Variants in CFAP53 observed in about 807,000 individuals in gnomAD.
The protein encoded by CFAP53 is cilia and flagella associated protein 53.
Under a neutral mutation model 59.7 loss-of-function variants are expected in CFAP53, and 62 were observed. The observed-to-expected ratio is 1.04, with a 90% CI of 0.85 to 1.28. The LOEUF (loss-of-function observed/expected upper bound fraction) is 1.28. Ranked by LOEUF, CFAP53 falls within the 50% of genes most tolerant of loss-of-function variation. The pLI is 0.00. For synonymous variants in CFAP53, 218 were observed against 205.7 expected, an observed-to-expected ratio of 1.06 and a Z score of -0.51; for missense variants, 629 against 615.6, an observed-to-expected ratio of 1.02 and a Z score of -0.23.
At chr18:50,251,830 C>A (rs1309313067) in intron 3 of CFAP53, 46 bp from the exon 4 acceptor site, 40 of 1,524,500 alleles carry the variant, frequency 2.6e-5, no homozygotes, top group Non-Finnish European at 3.3e-5. Context: ...TTTCGTGAGG[C>A]ACTGCTCTAT....
chr18:50,254,288 C>G lies in CFAP53; in HGVS notation c.474-2504G>C, dbSNP rs151262585. ...CTAAAACAAGCTAAATTCTAAAAAT[C>G]TAATTAGAAATGGGCAAAAGATATA... On this transcript the variant is annotated intron_variant, in intron 3 of 7. Coordinates refer to ENST00000398545, the MANE Select transcript of CFAP53 (RefSeq NM_145020.5). Among the ~76,000 whole-genome samples, 254 of 146,000 alleles carry G rather than the reference C, an allele frequency of 1.7e-3. 1 individual carries two copies. The highest frequency in any genetic ancestry group is 3.0e-3 in the Non-Finnish European group (198 of 66,794).
intron 3 of CFAP53, among the ~76,000 whole-genome samples, chr18:50,255,095 A>C (rs1045504281): frequency 6.6e-6 from 1 of 152,252 alleles, no homozygotes; most frequent in Non-Finnish European, 1.5e-5. Context: ...ATGCAATGGA[A>C]TACTACTCAG....
rs560458574 is a variant in CFAP53 at position 50,242,710 on chromosome 18, G to C, written c.1213+190C>G. 2.0e-5 allele frequency among the ~76,000 whole-genome samples: 3 copies of C among 152,276 alleles called. No individual in the cohort carries two copies. In the East Asian group the frequency reaches 5.8e-4, roughly 29 times the overall value. On this transcript the variant is annotated intron_variant, in intron 6 of 7. Coordinates refer to ENST00000398545, the MANE Select transcript of CFAP53 (RefSeq NM_145020.5). ...ACCTTGAGAACTTCTCCCCGTGACT[G>C]ATTGGAATCTGCTGGTCTCTTCATA...
At position 50,266,481 on chromosome 18, in the gene CFAP53, G is replaced by C; in HGVS notation, c.-77C>G. 6.9e-7 allele frequency: 1 copy of C among 1,441,556 alleles called. No homozygotes were observed. The highest frequency in any genetic ancestry group is 9.8e-7 in the Non-Finnish European group (1 of 1,023,114). The allele number at this position is 1,441,556 out of a possible 1,614,324, so 89.3% of individuals were successfully genotyped here. Reference sequence around the variant, plus strand: ...GTGGCGACCTGCGGGACCCGCTTCCGCGACGCAGAAGTCTGGTTGCCATGG... The same window carrying C: ...GTGGCGACCTGCGGGACCCGCTTCCCCGACGCAGAAGTCTGGTTGCCATGG... On this transcript the variant is annotated 5_prime_UTR_variant, in exon 1 of 8. Coordinates refer to ENST00000398545, the MANE Select transcript of CFAP53 (RefSeq NM_145020.5).
chr18:50,259,513 A>T (rs2033872705), intron 3 of CFAP53, among the ~76,000 whole-genome samples: 1 of 151,846 alleles, frequency 6.6e-6, no homozygotes, highest in Admixed American at 6.6e-5. Flanking sequence ...AAAAAAAAAA[A>T]GAATGAATGA....
At chr18:50,248,783 TAAAA>T (rs748223121) in intron 5 of CFAP53, among the ~76,000 whole-genome samples, 1 of 58,174 alleles carries the variant, frequency 1.7e-5, no homozygotes, top group Admixed American at 1.9e-4. Context: ...AGACTCCGCC[TAAAA>T]AAAAAAAAAA....
In CFAP53 at chr18:50,261,176, C is replaced by CT. The variant is rs1490401800; in HGVS notation, c.360dup (p.Glu121ArgfsTer4). The CT allele has an allele frequency of 3.8e-6, 6 of 1,562,874 alleles. No individual in the cohort carries two copies. Among genetic ancestry groups the CT allele is most frequent in the Non-Finnish European group, 5.2e-6 (6 of 1,163,098 alleles). ...CTATCTTTTTTCTCCTCAATGGTTT[C>CT]TTTCTTCAATTGCATTTCTGTAAAA... is the stretch of plus-strand genomic sequence containing the variant. On this transcript the variant is annotated frameshift_variant, in exon 3 of 8. Transcript: ENST00000398545. LOFTEE classifies it high-confidence loss of function.
rs1191228047 is a variant in CFAP53, at chr18:50,227,955, CTTTTTTTTT to C, written c.1317-355_1317-347del. ...CAAACTGCTCAATTCAACTTTTCTC[CTTTTTTTTT>C]TTTTTTTTTTTTTGAGACGGAGTCT... On this transcript the variant is annotated intron_variant, in intron 7 of 7. Coordinates refer to ENST00000398545, the MANE Select transcript of CFAP53 (RefSeq NM_145020.5). Among the ~76,000 whole-genome samples the C allele has an allele frequency of 2.2e-4, 20 of 90,096 alleles. No individual in the cohort carries two copies. The East Asian group carries it at 6.9e-3, about 31-fold the overall frequency. 59.1% of individuals were successfully genotyped at this position (90,096 alleles called of 152,430 possible).
At chr18:50,250,067 A>G (rs1227929546) in intron 5 of CFAP53, among the ~76,000 whole-genome samples, 3 of 152,048 alleles carry the variant, frequency 2.0e-5, no homozygotes, top group Non-Finnish European at 4.4e-5. Flanking sequence ...AAAAATACAT[A>G]AATTAGCCAG....
chr18:50,233,034 A>T (rs2033597221), intron 7 of CFAP53, among the ~76,000 whole-genome samples: 2 of 152,216 alleles, frequency 1.3e-5, no homozygotes, highest in Admixed American at 1.3e-4. Flanking sequence ...CTACAACAAG[A>T]AAAAGTCAGA....
intron 5 of CFAP53, among the ~76,000 whole-genome samples, chr18:50,245,920 C>A (rs1294604182): frequency 6.6e-6 from 1 of 152,054 alleles, no homozygotes; most frequent in Non-Finnish European, 1.5e-5. Context: ...GGTGGAGTGT[C>A]ACTCTTGTTG....
intron 3 of CFAP53, 110 bp from the exon 4 acceptor site, chr18:50,251,894 G>T: frequency 1.1e-6 from 1 of 942,132 alleles, no homozygotes; most frequent in Non-Finnish European, 1.6e-6. Flanking sequence ...CAGAGACCTG[G>T]ATGCAGGCCA....
intron 7 of CFAP53, among the ~76,000 whole-genome samples, chr18:50,235,352 G>A (rs1171759679): frequency 6.6e-6 from 1 of 152,002 alleles, no homozygotes; most frequent in East Asian, 1.9e-4. Flanking sequence ...GATCACCTAA[G>A]GTCAGGAGTT....
At chr18:50,230,418 T>C (rs1326090429) in intron 7 of CFAP53, among the ~76,000 whole-genome samples, 2 of 152,186 alleles carry the variant, frequency 1.3e-5, no homozygotes, top group Non-Finnish European at 2.9e-5. Context: ...GCATCTGTGA[T>C]GGTGACACAG....
At chr18:50,257,427 G>C (rs142760146) in intron 3 of CFAP53, among the ~76,000 whole-genome samples, 3 of 152,114 alleles carry the variant, frequency 2.0e-5, no homozygotes, top group Non-Finnish European at 2.9e-5. Context: ...AAAGTTGCAG[G>C]ATACAAAATC....
At chr18:50,259,860 A>G (rs1254795063) in intron 3 of CFAP53, among the ~76,000 whole-genome samples, 1 of 152,226 alleles carries the variant, frequency 6.6e-6, no homozygotes, top group Non-Finnish European at 1.5e-5. Context: ...AAATAACAGC[A>G]ATTCTTAATG....
chr18:50,228,103 C>T lies in CFAP53; in HGVS notation c.1317-494G>A, dbSNP rs539374796. On this transcript the variant is annotated intron_variant, in intron 7 of 7. Coordinates refer to ENST00000398545, the MANE Select transcript of CFAP53 (RefSeq NM_145020.5). ...CCACCCAAGCAGCTGGGATTGCAGGCGTCCGCCACCACACCTGGCTAATTT... is the reference window on the plus strand; with the variant it reads ...CCACCCAAGCAGCTGGGATTGCAGGTGTCCGCCACCACACCTGGCTAATTT... Among the ~76,000 whole-genome samples the T allele has an allele frequency of 3.3e-5, 5 of 152,122 alleles. No individual in the cohort carries two copies. The South Asian group carries it at 1.0e-3, about 32-fold the overall frequency.
intron 6 of CFAP53, among the ~76,000 whole-genome samples, chr18:50,239,695 A>T (rs1011960138): frequency 6.6e-5 from 10 of 152,216 alleles, no homozygotes; most frequent in African/African-American, 2.4e-4. Flanking sequence ...TACAAATCTT[A>T]TAATTGACAA....
intron 5 of CFAP53, among the ~76,000 whole-genome samples, chr18:50,246,320 C>T (rs2033744282): frequency 6.6e-6 from 1 of 152,192 alleles, no homozygotes; most frequent in South Asian, 2.1e-4. Flanking sequence ...AATAAACCTT[C>T]ACTTTACTGT....
Sources: gnomAD v4.1 joint callset for allele counts (sites outside exome capture counted in the v4.1 genomes callset) on GRCh38, gnomAD v4.1.1 for gene constraint, MANE v1.5 for transcripts, NCBI Gene and HGNC (gene_info 2026-07-23, HGNC 2026-07-21) for gene names.